Variants in RBFOX1 observed in about 807,000 individuals in gnomAD.
RBFOX1 encodes the protein RNA binding fox-1 homolog 1.
A neutral mutation model predicts 57.7 loss-of-function variants in RBFOX1; 8 were observed. The observed-to-expected ratio is 0.14, with a 90% CI of 0.08 to 0.25. The LOEUF is 0.25. RBFOX1 is among the 10% of genes least tolerant of loss of function. The pLI, the probability that RBFOX1 is intolerant of heterozygous loss-of-function variation, is 1.00. For missense variants in RBFOX1, 611 were observed against 548.5 expected (o/e 1.11, Z -1.14); for synonymous variants, 326 against 222.4 (o/e 1.47, Z -4.15).
At position 7,569,748 on chromosome 16, in the gene RBFOX1, A is replaced by T. The variant is rs180955632; in HGVS notation, c.271-10029A>T. Among the ~76,000 whole-genome samples, 3 of 152,306 alleles carry T rather than the reference A, an allele frequency of 2.0e-5. No individual in the cohort carries two copies. The South Asian group carries it at 6.2e-4, about 32-fold the overall frequency. ...GCCAGGTGTGGTGGCTCATGCCTGT[A>T]ATCCCAACATTTTGGAGACCAAGGC... On this transcript the variant is annotated intron_variant, in intron 5 of 15. Transcript: ENST00000550418.
intron 1 of RBFOX1, among the ~76,000 whole-genome samples, chr16:5,447,746 C>T (rs755939733): frequency 2.0e-5 from 3 of 152,200 alleles, no homozygotes; most frequent in African/African-American, 7.2e-5. Context: ...TCTCTCAGCA[C>T]GTGATGTTAT....
chr16:5,307,249 T>G (rs1003092883), intron 1 of RBFOX1, among the ~76,000 whole-genome samples: 20 of 152,168 alleles, frequency 1.3e-4, no homozygotes, highest in Non-Finnish European at 1.5e-4. Context: ...ACAAGTCCTA[T>G]TTCTGTGCTC....
intron 1 of RBFOX1, chr16:6,090,124 C>G (rs930172552): frequency 6.6e-6 from 1 of 152,200 alleles, no homozygotes; most frequent in African/African-American, 2.4e-5. Flanking sequence ...CTTCCATCTT[C>G]AAAGCCAGCA....
At chr16:5,744,287 C>T (rs1405658914) in intron 3 of RBFOX1, among the ~76,000 whole-genome samples, 1 of 152,082 alleles carries the variant, frequency 6.6e-6, no homozygotes, top group East Asian at 1.9e-4. Flanking sequence ...TCTGGGTTCC[C>T]GCAGCACCTT....
chr16:6,258,841 T>A (rs910807293), intron 1 of RBFOX1, among the ~76,000 whole-genome samples: 1 of 152,170 alleles, frequency 6.6e-6, no homozygotes, highest in African/African-American at 2.4e-5. Context: ...ATTATTCATT[T>A]CATGCCTGTA....
intron 4 of RBFOX1, among the ~76,000 whole-genome samples, chr16:7,469,065 C>G (rs982106658): frequency 2.6e-5 from 4 of 152,080 alleles, no homozygotes; most frequent in Non-Finnish European, 5.9e-5. Context: ...TCCTGAGTAG[C>G]TGGGGCTACA....
At chr16:6,914,747 A>C (rs2072675259) in intron 3 of RBFOX1, among the ~76,000 whole-genome samples, 1 of 152,112 alleles carries the variant, frequency 6.6e-6, no homozygotes, top group Admixed American at 6.5e-5. Context: ...GGTGGTGTGC[A>C]CCTGTAGTCC....
At chr16:5,766,653 C>T (rs988823993) in intron 3 of RBFOX1, among the ~76,000 whole-genome samples, 1 of 152,132 alleles carries the variant, frequency 6.6e-6, no homozygotes, top group African/African-American at 2.4e-5. Flanking sequence ...ATGAGGACAG[C>T]ACCAAGACAT....
At chr16:5,326,699 A>G (rs376233518) in intron 1 of RBFOX1, among the ~76,000 whole-genome samples, 1 of 152,196 alleles carries the variant, frequency 6.6e-6, no homozygotes, top group Non-Finnish European at 1.5e-5. Flanking sequence ...AAAGAGAAAC[A>G]TTTTTAAGCG....
At chr16:7,239,237 G>A (rs1009467186) in intron 4 of RBFOX1, among the ~76,000 whole-genome samples, 6 of 152,140 alleles carry the variant, frequency 3.9e-5, no homozygotes, top group African/African-American at 1.4e-4. Flanking sequence ...GGTGGAATCA[G>A]CCAGTAATCC....
chr16:6,462,754 A>AACT (rs2094950868), intron 2 of RBFOX1, among the ~76,000 whole-genome samples: 2 of 151,266 alleles, frequency 1.3e-5, no homozygotes, highest in Admixed American at 6.6e-5. Context: ...CGACGCTATA[A>AACT]ACTACCTGAA....
Position 6,210,349 on chromosome 16 carries a change from A to AAAACAAAC in RBFOX1, c.-126-106643_-126-106642insCAAACAAA, listed in dbSNP as rs2097286348. ...AAAAACAAAAAAACAAAAAAACAAA[A>AAAACAAAC]AAAAAAAACACCAAAAAAAAAAAAA... On this transcript the variant is annotated intron_variant, in intron 1 of 15. Coordinates refer to ENST00000550418, the MANE Select transcript of RBFOX1 (RefSeq NM_018723.4). Among the ~76,000 whole-genome samples the AAAACAAAC allele has an allele frequency of 6.4e-5, 5 of 78,048 alleles. No homozygotes were observed. The Admixed American group carries it at 6.9e-4, about 11-fold the overall frequency. 51.2% of individuals were successfully genotyped at this position (78,048 alleles called of 152,430 possible).
rs964872194 is a variant in RBFOX1, at chr16:5,300,709, A to G, written c.219+60604A>G. ...AACTGTAAAACTTTTCATATTTTCT[A>G]GTTGCTTTTTTTGGTTTTGGTACTT... On this transcript the variant is annotated intron_variant, in intron 1 of 2. Transcript: ENST00000585867. Among the ~76,000 whole-genome samples, 3 of 152,000 alleles carry G rather than the reference A, an allele frequency of 2.0e-5. No individual in the cohort carries two copies. In the East Asian group the frequency reaches 5.8e-4, roughly 29 times the overall value.
At chr16:5,480,856 T>G (rs993215393) in intron 2 of RBFOX1, among the ~76,000 whole-genome samples, 1 of 152,240 alleles carries the variant, frequency 6.6e-6, no homozygotes, top group African/African-American at 2.4e-5. Flanking sequence ...TTGGGTTGTT[T>G]CCACTGATTT....
chr16:7,349,192 G>A (rs1175444271), intron 4 of RBFOX1, among the ~76,000 whole-genome samples: 1 of 152,086 alleles, frequency 6.6e-6, no homozygotes, highest in African/African-American at 2.4e-5. Flanking sequence ...TAAAACTTGG[G>A]TTAAAAATCA....
intron 2 of RBFOX1, among the ~76,000 whole-genome samples, chr16:5,595,304 A>T (rs13334405): frequency 0.11 from 16,914 of 152,172 alleles, 1,168 homozygotes; most frequent in East Asian, 0.32. Flanking sequence ...TTGATGGCCC[A>T]TCTGGGATCT....
At chr16:6,197,897 G>A (rs77861907) in intron 1 of RBFOX1, among the ~76,000 whole-genome samples, 1,656 of 152,174 alleles carry the variant, frequency 0.011, 49 homozygotes, top group Admixed American at 0.052. Context: ...AGAAAAAGTG[G>A]CATTTGGTTT....
chr16:5,402,589 C>T (rs1028372916), intron 1 of RBFOX1, among the ~76,000 whole-genome samples: 3 of 152,192 alleles, frequency 2.0e-5, no homozygotes, highest in African/African-American at 7.2e-5. Flanking sequence ...TCAGTTGATT[C>T]CCTTGGGAAT....
rs532754725 is a variant in RBFOX1, at chr16:5,809,046, A to C, written c.319-58257A>C. 3.3e-5 allele frequency among the ~76,000 whole-genome samples: 5 copies of C among 152,310 alleles called. No individual in the cohort carries two copies. In the South Asian group the frequency reaches 1.0e-3, roughly 32 times the overall value. On this transcript the variant is annotated intron_variant, in intron 3 of 19. Coordinates refer to the RBFOX1 transcript ENST00000641259. ...TATCTACAACTATCTGGTCTTTGAC[A>C]AACCTGAGAAAAACAAGCAATGGGG...
Sources: gnomAD v4.1 joint callset for allele counts (sites outside exome capture counted in the v4.1 genomes callset) on GRCh38, gnomAD v4.1.1 for gene constraint, MANE v1.5 for transcripts, NCBI Gene and HGNC (gene_info 2026-07-23, HGNC 2026-07-21) for gene names.